Variants in CNTNAP2 observed in about 807,000 individuals in gnomAD.
CNTNAP2 encodes contactin-associated protein-like 2.
Under a neutral mutation model 155.2 loss-of-function variants are expected in CNTNAP2, and 98 were observed. The observed-to-expected ratio is 0.63, with a 90% CI of 0.54 to 0.75. CNTNAP2 has a LOEUF of 0.75. Among genes scored for constraint, CNTNAP2 ranks in the 30% least tolerant of loss-of-function variants. The probability of loss-of-function intolerance (pLI) is 0.00; values close to 1 mark genes in which losing one functional copy is unlikely to be tolerated. For missense variants in CNTNAP2, 1,727 were observed against 1,688.1 expected (o/e 1.02, Z -0.40); for synonymous variants, 651 against 631.2 (o/e 1.03, Z -0.47).
At chr7:146,380,779 AC>A (rs1795370877) in intron 1 of CNTNAP2, among the ~76,000 whole-genome samples, 1 of 121,316 alleles carries the variant, frequency 8.2e-6, no homozygotes, top group African/African-American at 3.3e-5. Context: ...CTTCTTATGC[AC>A]GTTCTTTTTT....
intron 21 of CNTNAP2, among the ~76,000 whole-genome samples, chr7:148,290,971 T>C (rs1563027960): frequency 1.3e-5 from 2 of 152,188 alleles, no homozygotes; most frequent in Middle Eastern, 3.2e-3. Context: ...ATGGGTTTTG[T>C]GAAAGGATGG....
At chr7:147,057,329 C>T (rs1799581308) in intron 4 of CNTNAP2, among the ~76,000 whole-genome samples, 1 of 152,154 alleles carries the variant, frequency 6.6e-6, no homozygotes, top group African/African-American at 2.4e-5. Flanking sequence ...TCTATATCAC[C>T]TCATTTCTTC....
At chr7:146,406,306 A>G (rs539557742) in intron 1 of CNTNAP2, among the ~76,000 whole-genome samples, 1 of 152,334 alleles carries the variant, frequency 6.6e-6, no homozygotes, top group South Asian at 2.1e-4. Context: ...TTTTTTAACA[A>G]AATGTTGTAT....
chr7:147,174,470 T>A (rs1030293501), intron 8 of CNTNAP2, among the ~76,000 whole-genome samples: 1 of 152,138 alleles, frequency 6.6e-6, no homozygotes, highest in African/African-American at 2.4e-5. Flanking sequence ...AAAGCAAAAC[T>A]GAGAGCCAGA....
Position 148,274,176 on chromosome 7 carries a change from G to A in CNTNAP2, c.3475+7050G>A, listed in dbSNP as rs573767980. ...CAAGCCTAAGACAGTGATTTTTTCC[G>A]TAAGCCTGGGTCCCTCTGTGACTAC... On this transcript the variant is annotated intron_variant, in intron 21 of 23. Coordinates refer to ENST00000361727, the MANE Select transcript of CNTNAP2 (RefSeq NM_014141.6). Among the ~76,000 whole-genome samples the A allele has an allele frequency of 1.4e-4, 22 of 151,918 alleles. 1 individual carries two copies. The highest frequency in any genetic ancestry group is 8.3e-4 in the South Asian group (4 of 4,818).
chr7:146,284,739 G>A (rs1315837985), intron 1 of CNTNAP2, among the ~76,000 whole-genome samples: 2 of 152,190 alleles, frequency 1.3e-5, no homozygotes, highest in African/African-American at 2.4e-5. Context: ...GATGATCAAA[G>A]CATGCAGTGA....
intron 2 of CNTNAP2, among the ~76,000 whole-genome samples, chr7:146,831,212 C>G (rs1803503355): frequency 6.6e-6 from 1 of 152,106 alleles, no homozygotes; most frequent in Non-Finnish European, 1.5e-5. Flanking sequence ...TGTTATTTTT[C>G]CCAGATGTAC....
intron 11 of CNTNAP2, among the ~76,000 whole-genome samples, chr7:147,536,393 T>C (rs1562985984): frequency 2.0e-5 from 3 of 152,188 alleles, no homozygotes; most frequent in Non-Finnish European, 4.4e-5. Flanking sequence ...GTAAATATCA[T>C]TTCTGGCTGT....
chr7:146,779,701 T>C (rs1414862519), intron 2 of CNTNAP2, among the ~76,000 whole-genome samples: 1 of 152,218 alleles, frequency 6.6e-6, no homozygotes, highest in African/African-American at 2.4e-5. Context: ...CAAAGATGTT[T>C]CCTCCTATGT....
intron 10 of CNTNAP2, among the ~76,000 whole-genome samples, chr7:147,454,995 GC>G (rs1483575891): frequency 6.6e-6 from 1 of 152,112 alleles, no homozygotes; most frequent in African/African-American, 2.4e-5. Context: ...CTGGCGGTAT[GC>G]CCCATGGAAA....
At chr7:146,874,721 C>T (rs6976996) in intron 3 of CNTNAP2, among the ~76,000 whole-genome samples, 36,061 of 152,124 alleles carry the variant, frequency 0.24, 4,460 homozygotes, top group Non-Finnish European at 0.28. Context: ...CAGTTCTTCA[C>T]TTAAATTGTT....
At chr7:147,730,985 C>A (rs1796729896) in intron 13 of CNTNAP2, among the ~76,000 whole-genome samples, 1 of 152,130 alleles carries the variant, frequency 6.6e-6, no homozygotes, top group Admixed American at 6.6e-5. Context: ...GGCCCTAACT[C>A]TCTTCAACTC....
chr7:147,490,516 T>C (rs907938672), intron 11 of CNTNAP2, among the ~76,000 whole-genome samples: 1 of 152,190 alleles, frequency 6.6e-6, no homozygotes, highest in African/African-American at 2.4e-5. Context: ...ATTGATATAA[T>C]TCAAAGAATA....
chr7:147,199,710 A>G (rs1802883718), intron 8 of CNTNAP2, among the ~76,000 whole-genome samples: 1 of 152,044 alleles, frequency 6.6e-6, no homozygotes, highest in African/African-American at 2.4e-5. Flanking sequence ...AGAGAAATGA[A>G]GTTCGTCTGT....
At chr7:146,598,575 A>G (rs866372675) in intron 1 of CNTNAP2, among the ~76,000 whole-genome samples, 1 of 152,010 alleles carries the variant, frequency 6.6e-6, no homozygotes, top group African/African-American at 2.4e-5. Flanking sequence ...TCATTTATGG[A>G]CCTATCAGAA....
chr7:146,633,501 G>T (rs1799543537), intron 1 of CNTNAP2, among the ~76,000 whole-genome samples: 1 of 152,068 alleles, frequency 6.6e-6, no homozygotes, highest in Admixed American at 6.6e-5. Context: ...TTAATCACAA[G>T]CTCCATAACA....
chr7:147,296,239 A>G lies in CNTNAP2; in HGVS notation c.1349-3902A>G, dbSNP rs142060366. On this transcript the variant is annotated intron_variant, in intron 8 of 23. Transcript: ENST00000361727. ...TCATAGCAGGGTTTGTCAAATTATA[A>G]AGACAAAAATCAAAAAACCATGCAG... Among the ~76,000 whole-genome samples the G allele has an allele frequency of 2.2e-3, 330 of 152,336 alleles. 12 individuals are homozygous for G. In the East Asian group the frequency reaches 0.055, roughly 25 times the overall value.
At chr7:148,172,099 C>A in intron 17 of CNTNAP2, 143 bp from the exon 18 acceptor site, 1 of 826,944 alleles carries the variant, frequency 1.2e-6, no homozygotes, top group East Asian at 2.5e-5. Flanking sequence ...TCAACTTTCT[C>A]TATTTAGATA....
chr7:147,014,026 A>T (rs13220975), intron 3 of CNTNAP2, among the ~76,000 whole-genome samples: 56,103 of 152,048 alleles, frequency 0.37, 10,537 homozygotes, highest in South Asian at 0.43. Context: ...TGAAATGGAA[A>T]AAGGGATGTT....
Sources: gnomAD v4.1 joint callset for allele counts (sites outside exome capture counted in the v4.1 genomes callset) on GRCh38, gnomAD v4.1.1 for gene constraint, MANE v1.5 for transcripts, NCBI Gene and HGNC (gene_info 2026-07-23, HGNC 2026-07-21) for gene names.